ALMS1: variants seen among roughly 807,000 people sequenced by gnomAD.
ALMS1 encodes the protein centrosome-associated protein ALMS1.
In ALMS1, 271 loss-of-function variants were observed where a neutral mutation model predicts 352.2. That is an observed-to-expected ratio of 0.77 (90% confidence interval 0.70 to 0.85). The LOEUF (loss-of-function observed/expected upper bound fraction) is 0.85. Among genes scored for constraint, ALMS1 ranks in the 40% least tolerant of loss-of-function variants. The pLI is 0.00. For missense variants in ALMS1, 5,445 were observed against 4,870.7 expected (o/e 1.12, Z -3.51); for synonymous variants, 1,865 against 1,761.2 (o/e 1.06, Z -1.48).
intron 16 of ALMS1, among the ~76,000 whole-genome samples, chr2:73,577,398 C>CT (rs931756458): frequency 4.7e-5 from 7 of 149,202 alleles, no homozygotes; most frequent in Non-Finnish European, 7.4e-5. Flanking sequence ...ATTTGTTTAT[C>CT]TTTTTTTTTA....
intron 16 of ALMS1, among the ~76,000 whole-genome samples, chr2:73,578,310 G>C (rs1675096351): frequency 6.6e-6 from 1 of 152,084 alleles, no homozygotes; most frequent in African/African-American, 2.4e-5. Flanking sequence ...AACATAGATG[G>C]TCATTTTTTA....
Position 73,519,871 on chromosome 2 carries a change from C to A in ALMS1, c.9636C>A (p.Thr3212=), listed in dbSNP as rs749283920. The A allele has an allele frequency of 3.7e-6, 6 of 1,613,868 alleles. No individual in the cohort carries two copies. The African/African-American group carries it at 6.7e-5, about 18-fold the overall frequency. ...TAACAACAGAAAGTCCAGAAAAGAC[C>A]CTATTTTCATCTGAGATTTTTATTA... The part of the protein sequence containing the change: ...TQITTESPEK[T]LFSSEIFINA... Residue 3212 remains threonine, a synonymous_variant, in exon 11 of 23, where the codon ACC becomes ACA. Coordinates refer to ENST00000613296, the MANE Select transcript of ALMS1 (RefSeq NM_001378454.1).
At chr2:73,512,995 T>C (rs1213065297) in intron 10 of ALMS1, among the ~76,000 whole-genome samples, 1 of 152,242 alleles carries the variant, frequency 6.6e-6, no homozygotes, top group African/African-American at 2.4e-5. Context: ...AAAAACCATA[T>C]GTTCATCTCA....
At chr2:73,437,548 A>T (rs542044304) in intron 7 of ALMS1, among the ~76,000 whole-genome samples, 1 of 152,298 alleles carries the variant, frequency 6.6e-6, no homozygotes, top group South Asian at 2.1e-4. Context: ...CCTTTCTCCC[A>T]TGACATCCCT....
At chr2:73,462,038 A>G (rs1452489656) in intron 9 of ALMS1, among the ~76,000 whole-genome samples, 1 of 151,918 alleles carries the variant, frequency 6.6e-6, no homozygotes, top group Non-Finnish European at 1.5e-5. Context: ...TCTGCAGGAT[A>G]TTATCCGGGA....
At chr2:73,462,855 AAAG>A (rs1207567775) in intron 9 of ALMS1, 1 of 151,784 alleles carries the variant, frequency 6.6e-6, no homozygotes, top group Non-Finnish European at 1.5e-5. Flanking sequence ...CAAAAGAGAC[AAAG>A]AAGGCCATTA....
chr2:73,500,354 A>G (rs533877460), intron 10 of ALMS1, among the ~76,000 whole-genome samples: 5 of 152,092 alleles, frequency 3.3e-5, no homozygotes, highest in Non-Finnish European at 5.9e-5. Context: ...GCCCTTTTCT[A>G]GGTACTTTTA....
In ALMS1 at chr2:73,560,465, A is replaced by G. The variant is rs570070606; in HGVS notation, c.10384+1323A>G. Among the ~76,000 whole-genome samples, 171 of 152,320 alleles carry G rather than the reference A, an allele frequency of 1.1e-3. 2 individuals carry two copies. Among genetic ancestry groups the G allele is most frequent in the Middle Eastern group, 3.4e-3 (1 of 294 alleles). ...GGTGGGAATGTAAAATGATGTAGCT[A>G]TTATGGAAAATATTATGGAGGTTCC... On this transcript the variant is annotated intron_variant, in intron 15 of 22. Transcript: ENST00000613296.
At chr2:73,604,885 A>G (rs1195823239) in intron 21 of ALMS1, among the ~76,000 whole-genome samples, 4 of 152,338 alleles carry the variant, frequency 2.6e-5, no homozygotes, top group Admixed American at 6.5e-5. Flanking sequence ...ACCAAACTGT[A>G]GTAGTCTAGT....
At chr2:73,584,852 G>T (rs1675273134) in intron 16 of ALMS1, among the ~76,000 whole-genome samples, 1 of 148,998 alleles carries the variant, frequency 6.7e-6, no homozygotes, top group African/African-American at 2.5e-5. Context: ...TCATAACTTA[G>T]CTCCCCGTTA....
At chr2:73,510,177 C>G (rs571902409) in intron 10 of ALMS1, among the ~76,000 whole-genome samples, 1 of 152,136 alleles carries the variant, frequency 6.6e-6, no homozygotes, top group African/African-American at 2.4e-5. Flanking sequence ...TCCTTTAGCT[C>G]GGAGAAGTTT....
chr2:73,505,256 T>C (rs1196064737), intron 10 of ALMS1, among the ~76,000 whole-genome samples: 2 of 152,174 alleles, frequency 1.3e-5, no homozygotes, highest in Middle Eastern at 3.2e-3. Context: ...GGATTGCTGG[T>C]CAAATGGTAT....
At chr2:73,504,098 C>T (rs1048918808) in intron 10 of ALMS1, among the ~76,000 whole-genome samples, 1 of 152,058 alleles carries the variant, frequency 6.6e-6, no homozygotes, top group African/African-American at 2.4e-5. Context: ...AAATATGTGA[C>T]TCACAAGAGG....
In ALMS1 at chr2:73,573,369, T is replaced by G. The variant is rs777912782; in HGVS notation, c.11492T>G (p.Leu3831Arg). 7.4e-6 allele frequency: 12 copies of G among 1,613,996 alleles called. No homozygotes were observed. Among genetic ancestry groups the G allele is most frequent in the Admixed American group, 5.0e-5 (3 of 59,976 alleles). The change falls in exon 16 of 23, where the codon CTG becomes CGG. Residue 3831 changes from leucine to arginine, a missense_variant. Coordinates refer to ENST00000613296, the MANE Select transcript of ALMS1 (RefSeq NM_001378454.1). ...CGGAGCAAACACAGCAAGAAAGTGCTGAATACAGGTCATCCCCTAGTGACT... is the reference window on the plus strand; with the variant it reads ...CGGAGCAAACACAGCAAGAAAGTGCGGAATACAGGTCATCCCCTAGTGACT... Reference protein sequence around the residue: ...EKRSKHSKKVLNTGHPLVTSE... With the variant: ...EKRSKHSKKVRNTGHPLVTSE...
intron 7 of ALMS1, among the ~76,000 whole-genome samples, chr2:73,434,786 A>G (rs1671575277): frequency 6.6e-6 from 1 of 151,988 alleles, no homozygotes; most frequent in Non-Finnish European, 1.5e-5. Flanking sequence ...TATGTTTATA[A>G]TTGTTATATA....
chr2:73,447,509 A>C (rs991851536), intron 7 of ALMS1, among the ~76,000 whole-genome samples: 8 of 152,152 alleles, frequency 5.3e-5, no homozygotes, highest in Non-Finnish European at 1.2e-4. Flanking sequence ...ACTTGGGGGC[A>C]GGAGGAACCC....
At chr2:73,502,423 T>TG (rs1253770962) in intron 10 of ALMS1, among the ~76,000 whole-genome samples, 1 of 152,152 alleles carries the variant, frequency 6.6e-6, no homozygotes, top group Non-Finnish European at 1.5e-5. Flanking sequence ...CTTAATGCAC[T>TG]GGCTAGAACA....
At chr2:73,410,353 C>T (rs1483358521) in intron 2 of ALMS1, among the ~76,000 whole-genome samples, 1 of 152,090 alleles carries the variant, frequency 6.6e-6, no homozygotes, top group Non-Finnish European at 1.5e-5. Context: ...TGCGCCACTG[C>T]ACTCCATCCT....
intron 15 of ALMS1, among the ~76,000 whole-genome samples, chr2:73,559,445 C>T (rs959490062): frequency 6.6e-6 from 1 of 152,050 alleles, no homozygotes; most frequent in African/African-American, 2.4e-5. Context: ...TCTCAGTCCC[C>T]AGAGACAACC....
Sources: gnomAD v4.1 joint callset for allele counts (sites outside exome capture counted in the v4.1 genomes callset) on GRCh38, gnomAD v4.1.1 for gene constraint, MANE v1.5 for transcripts, NCBI Gene and HGNC (gene_info 2026-07-23, HGNC 2026-07-21) for gene names.